PYGB: variants seen among roughly 807,000 people sequenced by gnomAD.
PYGB encodes glycogen phosphorylase B.
Under a neutral mutation model 94.3 loss-of-function variants are expected in PYGB, and 82 were observed. That is an observed-to-expected ratio of 0.87 (90% CI 0.73 to 1.04). The LOEUF is 1.04. PYGB is among the 50% of genes least tolerant of loss of function. PYGB has a pLI of 0.00. For synonymous variants in PYGB, 488 were observed against 479.1 expected (o/e 1.02, Z -0.24); for missense variants, 1,132 against 1,158.2 (o/e 0.98, Z 0.33).
rs35073849 is a variant in PYGB at position 25,280,954 on chromosome 20, G to A, written c.1245G>A (p.Val415=). 1.5e-3 allele frequency: 2,408 copies of A among 1,613,872 alleles called. 43 individuals are homozygous for A. In the African/African-American group the frequency reaches 0.028, roughly 19 times the overall value. ...CCTCTGTGTTTTGGCACCAGCACGT[G>A]GCCGCGCTGTTTCCCGGCGATGTGG... ...YAINQRHLDH[V]AALFPGDVDR... is the part of the protein sequence containing the mutation. The change falls in exon 11 of 20, where the codon GTG becomes GTA. Residue 415 remains valine (V), a synonymous_variant. Transcript: ENST00000216962.
intron 15 of PYGB, among the ~76,000 whole-genome samples, chr20:25,288,899 C>G (rs551460774): frequency 2.6e-5 from 4 of 152,332 alleles, no homozygotes; most frequent in African/African-American, 9.6e-5. Context: ...TCATCGAGTC[C>G]CAGGTCACAT....
intron 14 of PYGB, among the ~76,000 whole-genome samples, chr20:25,287,057 G>A (rs760135852): frequency 5.9e-5 from 9 of 152,242 alleles, no homozygotes; most frequent in Non-Finnish European, 1.2e-4. Flanking sequence ...CCGGCTCGCT[G>A]GTGAACGCCT....
chr20:25,290,260 C>T (rs1044232699), intron 15 of PYGB, among the ~76,000 whole-genome samples: 2 of 152,200 alleles, frequency 1.3e-5, no homozygotes, highest in African/African-American at 4.8e-5. Flanking sequence ...AGACTTGAGG[C>T]GGACACGTTT....
At chr20:25,265,975 T>TTC (rs1213904303) in intron 2 of PYGB, among the ~76,000 whole-genome samples, 3 of 152,186 alleles carry the variant, frequency 2.0e-5, no homozygotes, top group Non-Finnish European at 4.4e-5. Context: ...TGTGGATATT[T>TTC]TCTCCCATTC....
At chr20:25,291,068 C>A (rs1020042404) in intron 16 of PYGB, among the ~76,000 whole-genome samples, 1 of 152,074 alleles carries the variant, frequency 6.6e-6, no homozygotes, top group Non-Finnish European at 1.5e-5. Flanking sequence ...GCAGGACATG[C>A]ACCAGGCCAG....
chr20:25,277,643 C>T (rs1187631160), intron 7 of PYGB, among the ~76,000 whole-genome samples: 1 of 152,198 alleles, frequency 6.6e-6, no homozygotes, highest in Non-Finnish European at 1.5e-5. Context: ...AGCTGGAGCC[C>T]GTCAGCCCTC....
intron 1 of PYGB, among the ~76,000 whole-genome samples, chr20:25,256,869 G>T: frequency 6.6e-6 from 1 of 152,216 alleles, no homozygotes. Context: ...CCTTTACATG[G>T]TTTTTTTCAG....
intron 10 of PYGB, 80 bp downstream of exon 10, chr20:25,280,492 G>T: frequency 6.5e-7 from 1 of 1,530,926 alleles, no homozygotes; most frequent in Non-Finnish European, 8.9e-7. Context: ...GGGAGAGGAG[G>T]TGCTTTGCTC....
intron 17 of PYGB, among the ~76,000 whole-genome samples, 181 bp downstream of exon 17, chr20:25,292,794 G>A (rs1360682456): frequency 1.4e-4 from 21 of 152,206 alleles, no homozygotes; most frequent in Admixed American, 1.4e-3. Flanking sequence ...GGAATGGACG[G>A]GGTCCGGGCT....
intron 4 of PYGB, among the ~76,000 whole-genome samples, chr20:25,272,609 A>G (rs982245256): frequency 2.0e-5 from 3 of 152,250 alleles, no homozygotes; most frequent in African/African-American, 7.2e-5. Context: ...AAACGCTCAT[A>G]ATAAAATGTT....
rs1568691840 is a variant in PYGB at position 25,277,420 on chromosome 20, T to C, written c.855+94T>C. On this transcript the variant is annotated intron_variant, in intron 7 of 19. Transcript: ENST00000216962. ...GGCCGGGCTCCCCAGTGGGGCCTGC[T>C]GTTGGCCTTGGCAAGCAGCCACCTG... 4 of 1,254,544 alleles carry C rather than the reference T, an allele frequency of 3.2e-6. No individual in the cohort carries two copies. The Middle Eastern group carries it at 5.7e-4, about 180-fold the overall frequency. 77.7% of individuals were successfully genotyped at this position (1,254,544 alleles called of 1,614,324 possible). A position where few individuals can be genotyped will look rare whatever the true frequency, so the allele number is the denominator to read the frequency against.
At chr20:25,282,225 G>T in intron 12 of PYGB, 78 bp downstream of exon 12, 1 of 1,238,376 alleles carries the variant, frequency 8.1e-7, no homozygotes, top group Non-Finnish European at 1.1e-6. Flanking sequence ...CCCCTGCTGA[G>T]CGGTTGCTGA....
Position 25,297,439 on chromosome 20 carries a change from C to T in PYGB, c.*917C>T, listed in dbSNP as rs898791831. The T allele has an allele frequency of 3.3e-5, 5 of 152,498 alleles. No homozygotes were observed. The highest frequency in any genetic ancestry group is 3.3e-4 in the Admixed American group (5 of 15,288). 9.4% of individuals were successfully genotyped at this position (152,498 alleles called of 1,614,324 possible). A position where few individuals can be genotyped will look rare whatever the true frequency, so the allele number is the denominator to read the frequency against. ...GCCCTCCCGCTGACTCCTGCTGTGT[C>T]CTGAGGTGCATTTCCTGTTGTACAC... is the stretch of plus-strand genomic sequence containing the variant. On this transcript the variant is annotated 3_prime_UTR_variant, in exon 20 of 20. Coordinates refer to ENST00000216962, the MANE Select transcript of PYGB (RefSeq NM_002862.4).
At chr20:25,268,172 A>C (rs888509044) in intron 2 of PYGB, among the ~76,000 whole-genome samples, 5 of 8,838 alleles carry the variant, frequency 5.7e-4, no homozygotes, top group Non-Finnish European at 7.3e-4. Flanking sequence ...CCCCCCCCCC[A>C]TATCCAAAAT....
chr20:25,290,914 C>T (rs2088461359), intron 16 of PYGB, among the ~76,000 whole-genome samples: 1 of 152,120 alleles, frequency 6.6e-6, no homozygotes, highest in South Asian at 2.1e-4. Context: ...CCCTCCCCTG[C>T]CCTCTCCTCC....
intron 2 of PYGB, among the ~76,000 whole-genome samples, chr20:25,263,296 C>T (rs151066477): frequency 1.5e-4 from 22 of 150,186 alleles, no homozygotes; most frequent in African/African-American, 4.4e-4. Context: ...CAAACTAGAA[C>T]TCAGGATTAA....
At chr20:25,257,871 G>A (rs2092905725) in intron 1 of PYGB, among the ~76,000 whole-genome samples, 1 of 152,160 alleles carries the variant, frequency 6.6e-6, no homozygotes, top group African/African-American at 2.4e-5. Flanking sequence ...TGCCAGAGGG[G>A]GGAGGCAGGT....
chr20:25,291,411 G>C (rs997338402), intron 16 of PYGB, among the ~76,000 whole-genome samples: 34 of 152,282 alleles, frequency 2.2e-4, no homozygotes, highest in African/African-American at 8.2e-4. Flanking sequence ...AGGCCGCCTG[G>C]GCTTCCCAGG....
intron 5 of PYGB, among the ~76,000 whole-genome samples, chr20:25,276,239 G>A (rs1306673265): frequency 6.6e-6 from 1 of 152,156 alleles, no homozygotes; most frequent in Non-Finnish European, 1.5e-5. Context: ...AAGCATCTGC[G>A]TGTTGGAGTT....
Sources: allele counts gnomAD v4.1 joint callset (sites outside exome capture counted in the v4.1 genomes callset), GRCh38; gene constraint gnomAD v4.1.1; transcripts MANE v1.5; gene names NCBI Gene and HGNC (gene_info 2026-07-23, HGNC 2026-07-21).